Variants in ADNP2 observed in about 807,000 individuals in gnomAD.
ADNP2 encodes ADNP homeobox 2.
Under a neutral mutation model 16.4 loss-of-function variants are expected in ADNP2, and 8 were observed. That is an observed-to-expected ratio of 0.49 (90% CI 0.29 to 0.88). The LOEUF is 0.88. ADNP2 is among the 40% of genes least tolerant of loss of function. The pLI, the probability that ADNP2 is intolerant of heterozygous loss-of-function variation, is 0.09. For synonymous variants in ADNP2, 637 were observed against 545.8 expected (o/e 1.17, Z -2.33); for missense variants, 1,397 against 1,395.1 (o/e 1.00, Z -0.02).
At chr18:80,109,670 G>T in intron 1 of ADNP2, 198 bp downstream of exon 1, 1 of 149,792 alleles carries the variant, frequency 6.7e-6, no homozygotes, top group South Asian at 2.0e-4. Flanking sequence ...TTCGCGGCCC[G>T]AACGGCGCCC....
At position 80,136,026 on chromosome 18, in the gene ADNP2, T is replaced by G. The variant is rs1366516603; in HGVS notation, c.613T>G (p.Ser205Ala). 1.9e-6 allele frequency: 3 copies of G among 1,614,086 alleles called. No homozygotes were observed. Among genetic ancestry groups the G allele is most frequent in the Non-Finnish European group, 2.5e-6 (3 of 1,180,052 alleles). Reference protein sequence around the residue: ...GEQPKTNDTVSIEKIPPPDKY... With the variant: ...GEQPKTNDTVAIEKIPPPDKY... ...GCAACCGAAAACTAACGATACTGTTTCTATAGAGAAGATCCCACCACCTGA... is the reference window on the plus strand; with the variant it reads ...GCAACCGAAAACTAACGATACTGTTGCTATAGAGAAGATCCCACCACCTGA... Residue 205 changes from serine (S) to alanine (A), a missense_variant, in exon 4 of 4, where the codon TCT (serine) becomes GCT (alanine). By Grantham distance (99) the Ser-to-Ala change is moderately conservative. Around this residue, in one of 3 missense-constraint regions of ADNP2, gnomAD observed 777 missense variants for 719.4 expected, o/e 1.08. Transcript: ENST00000262198.
Position 80,138,062 on chromosome 18 carries a change from C to T in ADNP2, c.2649C>T (p.Pro883=). ...CCACCTGCCCCTTTTGCTTTGGCCCCTTTGTGACAACTGAGGCCTATGAGC... is the reference window on the plus strand; with the variant it reads ...CCACCTGCCCCTTTTGCTTTGGCCCTTTTGTGACAACTGAGGCCTATGAGC... ...RVSTCPFCFG[P]FVTTEAYELH... Residue 883 remains proline, a synonymous_variant, in exon 4 of 4, where the codon CCC becomes CCT. Transcript: ENST00000262198. 1.2e-6 allele frequency: 2 copies of T among 1,613,854 alleles called. No individual in the cohort carries two copies. The highest frequency in any genetic ancestry group is 1.7e-6 in the Non-Finnish European group (2 of 1,180,034).
At position 80,138,330 on chromosome 18, in the gene ADNP2, A is replaced by G. The variant is rs755365182; in HGVS notation, c.2917A>G (p.Ser973Gly). ...LVSGEVMHDS[S>G]FSVKRKLPDG... ...CAGTGGTGAAGTGATGCATGATTCC[A>G]GTTTTTCTGTTAAGAGAAAGCTGCC... Residue 973 changes from serine to glycine, a missense_variant, in exon 4 of 4, where the codon AGT becomes GGT. By Grantham distance (56) the Ser-to-Gly change is moderately conservative (BLOSUM62 0). Around this residue, in one of 3 missense-constraint regions of ADNP2, gnomAD observed 611 missense variants for 648.7 expected, o/e 0.94. Coordinates refer to ENST00000262198, the MANE Select transcript of ADNP2 (RefSeq NM_014913.4). The G allele has an allele frequency of 6.2e-6, 10 of 1,614,004 alleles. No individual in the cohort carries two copies. Among genetic ancestry groups the G allele is most frequent in the Middle Eastern group, 1.6e-4 (1 of 6,084 alleles).
At chr18:80,120,586 C>T (rs2052418079) in intron 2 of ADNP2, among the ~76,000 whole-genome samples, 1 of 152,064 alleles carries the variant, frequency 6.6e-6, no homozygotes, top group Non-Finnish European at 1.5e-5. Context: ...ATCCACTTAC[C>T]TTGGCCTCCC....
chr18:80,124,900 C>A (rs1257764505), intron 2 of ADNP2, among the ~76,000 whole-genome samples: 1 of 152,162 alleles, frequency 6.6e-6, no homozygotes, highest in Admixed American at 6.5e-5. Flanking sequence ...ATAAAAACTT[C>A]TATATTGCTT....
At chr18:80,121,392 G>T (rs2052423925) in intron 2 of ADNP2, among the ~76,000 whole-genome samples, 1 of 152,160 alleles carries the variant, frequency 6.6e-6, no homozygotes, top group African/African-American at 2.4e-5. Context: ...TAATTGGGTT[G>T]TTTGTCTTTA....
At chr18:80,120,393 A>G (rs1260935270) in intron 2 of ADNP2, among the ~76,000 whole-genome samples, 1 of 147,916 alleles carries the variant, frequency 6.8e-6, no homozygotes, top group Non-Finnish European at 1.5e-5. Flanking sequence ...GTGCAGTGGT[A>G]CAATCATGGC....
chr18:80,120,665 AT>A (rs927855807), intron 2 of ADNP2, among the ~76,000 whole-genome samples: 2 of 146,538 alleles, frequency 1.4e-5, no homozygotes, highest in Admixed American at 6.8e-5. Flanking sequence ...TTATTCATTT[AT>A]TTTTTTTTGA....
chr18:80,116,879 G>C (rs2052392797), intron 1 of ADNP2, among the ~76,000 whole-genome samples: 1 of 152,122 alleles, frequency 6.6e-6, no homozygotes, highest in Non-Finnish European at 1.5e-5. Flanking sequence ...CAAACAGTCT[G>C]CCTGATCTGT....
chr18:80,114,345 G>T (rs1028536647), intron 1 of ADNP2, among the ~76,000 whole-genome samples: 1 of 151,920 alleles, frequency 6.6e-6, no homozygotes, highest in Non-Finnish European at 1.5e-5. Context: ...ATTTTAAATG[G>T]CATTTCTTTA....
At chr18:80,124,077 C>T (rs1485044473) in intron 2 of ADNP2, among the ~76,000 whole-genome samples, 5 of 152,150 alleles carry the variant, frequency 3.3e-5, no homozygotes, top group Non-Finnish European at 7.4e-5. Context: ...TGTACCTGTA[C>T]TTTTCTCTGT....
At chr18:80,130,748 G>A (rs948209335) in intron 2 of ADNP2, among the ~76,000 whole-genome samples, 3 of 74,668 alleles carry the variant, frequency 4.0e-5, no homozygotes, top group Admixed American at 2.5e-4. Context: ...CCGCCCCCCC[G>A]CCCACGTCAG....
At chr18:80,111,747 A>G (rs1208830965) in intron 1 of ADNP2, among the ~76,000 whole-genome samples, 1 of 151,652 alleles carries the variant, frequency 6.6e-6, no homozygotes, top group Non-Finnish European at 1.5e-5. Context: ...GTTTCACCAT[A>G]TTGGTCAGGC....
At chr18:80,129,406 A>G (rs1365215273) in intron 2 of ADNP2, among the ~76,000 whole-genome samples, 1 of 152,090 alleles carries the variant, frequency 6.6e-6, no homozygotes, top group African/African-American at 2.4e-5. Flanking sequence ...CCCGACCCCC[A>G]GAACATTTTT....
intron 3 of ADNP2, 42 bp downstream of exon 3, chr18:80,133,234 T>C: frequency 1.3e-6 from 2 of 1,491,616 alleles, no homozygotes; most frequent in Non-Finnish European, 1.9e-6. Flanking sequence ...TCCTCAAAAG[T>C]GAGCAGTGAC....
At chr18:80,135,569 C>T (rs1480770094) in intron 3 of ADNP2, 43 bp from the exon 4 acceptor site, 3 of 1,527,536 alleles carry the variant, frequency 2.0e-6, no homozygotes, top group South Asian at 2.5e-5. Flanking sequence ...TAGCATCTGA[C>T]AGTTTATTCA....
intron 1 of ADNP2, among the ~76,000 whole-genome samples, chr18:80,110,431 G>T (rs963663494): frequency 6.6e-6 from 1 of 152,142 alleles, no homozygotes; most frequent in Non-Finnish European, 1.5e-5. Flanking sequence ...TGGGGTGGGG[G>T]AGGAGAAACT....
Position 80,136,722 on chromosome 18 carries a change from G to A in ADNP2, c.1309G>A (p.Val437Met), listed in dbSNP as rs752093640. Residue 437 changes from valine (V) to methionine (M), a missense_variant, in exon 4 of 4, where the codon GTG (valine) becomes ATG (methionine). Physicochemically the swap from Val to Met is conservative, Grantham distance 21. Around this residue, in one of 3 missense-constraint regions of ADNP2, gnomAD observed 777 missense variants for 719.4 expected, o/e 1.08. Coordinates refer to ENST00000262198, the MANE Select transcript of ADNP2 (RefSeq NM_014913.4). ...PGVLQAVSPG[V>M]LSVSRAVPSG... The stretch of plus-strand genomic sequence containing the variant: ...GGTCCTGCAGGCTGTCTCGCCAGGG[G>A]TGCTTTCTGTGAGTCGGGCGGTCCC... 2 of 1,613,570 alleles carry A rather than the reference G, an allele frequency of 1.2e-6. No homozygotes were observed. The highest frequency in any genetic ancestry group is 1.3e-5 in the African/African-American group (1 of 75,032).
rs145864140 is a variant in ADNP2 at position 80,111,983 on chromosome 18, A to T, written c.-14+2511A>T. 3.9e-5 allele frequency among the ~76,000 whole-genome samples: 6 copies of T among 152,174 alleles called. No homozygotes were observed. In the East Asian group the frequency reaches 1.2e-3, roughly 29 times the overall value. On this transcript the variant is annotated intron_variant, in intron 1 of 3. Transcript: ENST00000262198. ...TTCTTGTGCATATCAGTGGAATTTT[A>T]TGGTAGTTCCATGCCTACCCTAAAC...
Sources: gnomAD v4.1 joint callset for allele counts (sites outside exome capture counted in the v4.1 genomes callset) on GRCh38, gnomAD v4.1.1 for gene constraint, gnomAD v4.1.1 regional missense constraint, MANE v1.5 for transcripts, NCBI Gene and HGNC (gene_info 2026-07-23, HGNC 2026-07-21) for gene names.